The following AFF3 variants were observed in gnomAD, a reference collection of about 807,000 sequenced individuals.
AFF3 encodes ALF transcription elongation factor 3.
In AFF3, 32 loss-of-function variants were observed where a neutral mutation model predicts 129.7. The ratio of observed to expected loss-of-function variants is 0.25; its 90% CI spans 0.19 to 0.33. AFF3 has a LOEUF of 0.33. AFF3 is among the 10% of genes least tolerant of loss of function. The probability of loss-of-function intolerance (pLI) is 1.00; values close to 1 mark genes in which losing one functional copy is unlikely to be tolerated. For missense variants in AFF3, 1,373 were observed against 1,592.0 expected, an observed-to-expected ratio of 0.86 and a Z score of 2.34; for synonymous variants, 644 against 635.4, an observed-to-expected ratio of 1.01 and a Z score of -0.20.
At chr2:100,064,808 T>C (rs1361140451) in intron 4 of AFF3, among the ~76,000 whole-genome samples, 2 of 152,230 alleles carry the variant, frequency 1.3e-5, no homozygotes, top group Admixed American at 6.5e-5. Flanking sequence ...TGCCAACTCA[T>C]TGTGAAAAGC....
intron 7 of AFF3, among the ~76,000 whole-genome samples, chr2:99,852,338 G>A (rs1037951689): frequency 6.6e-6 from 1 of 151,830 alleles, no homozygotes; most frequent in Non-Finnish European, 1.5e-5. Context: ...CCACACAGTC[G>A]GTTTTTAGAA....
At chr2:99,947,151 G>C (rs1434356423) in intron 7 of AFF3, among the ~76,000 whole-genome samples, 1 of 152,114 alleles carries the variant, frequency 6.6e-6, no homozygotes, top group African/African-American at 2.4e-5. Context: ...GTCAGAAAGT[G>C]AACATCCAGC....
chr2:99,592,943 C>CCCCCA (rs766393879), intron 15 of AFF3, among the ~76,000 whole-genome samples: 3 of 123,012 alleles, frequency 2.4e-5, no homozygotes, highest in African/African-American at 6.3e-5. Flanking sequence ...CCCCCCCCCC[C>CCCCCA]AAAAAAAGGG....
At chr2:99,579,667 C>A (rs1257675418) in intron 17 of AFF3, among the ~76,000 whole-genome samples, 1 of 152,118 alleles carries the variant, frequency 6.6e-6, no homozygotes, top group Non-Finnish European at 1.5e-5. Context: ...TTGCAGTGAG[C>A]CAAGACTGCA....
chr2:99,959,616 T>C (rs932253090), intron 7 of AFF3, among the ~76,000 whole-genome samples: 5 of 151,050 alleles, frequency 3.3e-5, no homozygotes, highest in East Asian at 3.9e-4. Context: ...GTAATCCTTT[T>C]AGTCCAGCAC....
chr2:99,738,482 C>A (rs1680440389), intron 10 of AFF3, among the ~76,000 whole-genome samples: 4 of 152,014 alleles, frequency 2.6e-5, no homozygotes, highest in Admixed American at 2.6e-4. Flanking sequence ...TTATTTAACA[C>A]AAATAATTTC....
intron 7 of AFF3, among the ~76,000 whole-genome samples, chr2:99,917,137 T>C (rs1431226096): frequency 1.3e-5 from 2 of 152,176 alleles, no homozygotes; most frequent in Non-Finnish European, 2.9e-5. Flanking sequence ...AAGGGACTAT[T>C]TGCCTACCCC....
At chr2:99,643,384 T>C (rs1024990422) in intron 13 of AFF3, among the ~76,000 whole-genome samples, 1 of 152,114 alleles carries the variant, frequency 6.6e-6, no homozygotes, top group African/African-American at 2.4e-5. Context: ...TAAGGAGCCA[T>C]ATTGCTTTGG....
chr2:99,800,102 AC>A (rs939453186), intron 8 of AFF3, among the ~76,000 whole-genome samples: 5 of 152,206 alleles, frequency 3.3e-5, no homozygotes, highest in African/African-American at 9.6e-5. Flanking sequence ...TAATTTTTTA[AC>A]AAAGTTTGAA....
intron 7 of AFF3, among the ~76,000 whole-genome samples, chr2:99,976,098 T>G (rs1678864531): frequency 6.6e-6 from 1 of 151,978 alleles, no homozygotes; most frequent in Non-Finnish European, 1.5e-5. Flanking sequence ...TAACGCCAAT[T>G]CTTATTCAAA....
At chr2:99,705,074 T>C (rs528216680) in intron 11 of AFF3, among the ~76,000 whole-genome samples, 49 of 152,274 alleles carry the variant, frequency 3.2e-4, no homozygotes, top group Non-Finnish European at 6.8e-4. Flanking sequence ...CAGCAAAGAA[T>C]AGACGGTTCG....
At chr2:100,041,400 TA>T (rs1685419182) in intron 4 of AFF3, among the ~76,000 whole-genome samples, 2 of 152,220 alleles carry the variant, frequency 1.3e-5, no homozygotes, top group African/African-American at 4.8e-5. Flanking sequence ...CTAAGTCGCC[TA>T]ATCTTCAATG....
intron 18 of AFF3, among the ~76,000 whole-genome samples, chr2:99,570,803 G>A (rs903969744): frequency 6.6e-6 from 1 of 152,150 alleles, no homozygotes; most frequent in Non-Finnish European, 1.5e-5. Flanking sequence ...ATCCTGGTCC[G>A]AGGAGCTCTG....
intron 8 of AFF3, among the ~76,000 whole-genome samples, chr2:99,834,469 G>A (rs141659938): frequency 3.9e-5 from 6 of 152,282 alleles, no homozygotes; most frequent in East Asian, 3.9e-4. Context: ...TATGAGGGAC[G>A]TATTGCAATT....
chr2:99,932,157 G>A (rs745733676), intron 7 of AFF3, among the ~76,000 whole-genome samples: 6 of 152,058 alleles, frequency 3.9e-5, no homozygotes, highest in Admixed American at 6.6e-5. Context: ...CTTTGAATAC[G>A]GCCCAATACA....
chr2:100,079,232 C>T (rs1476400948), intron 4 of AFF3, among the ~76,000 whole-genome samples: 2 of 152,184 alleles, frequency 1.3e-5, no homozygotes, highest in Non-Finnish European at 2.9e-5. Flanking sequence ...AGGCATGAGC[C>T]ACAGTGCCTG....
At chr2:99,807,608 C>T (rs1686452472) in intron 8 of AFF3, among the ~76,000 whole-genome samples, 1 of 152,180 alleles carries the variant, frequency 6.6e-6, no homozygotes, top group South Asian at 2.1e-4. Flanking sequence ...GTCAATATTA[C>T]TTGCTGCCTT....
chr2:99,791,998 G>A (rs1339647828), intron 8 of AFF3, among the ~76,000 whole-genome samples: 6 of 152,024 alleles, frequency 3.9e-5, no homozygotes, highest in African/African-American at 1.5e-4. Flanking sequence ...TGAGTTCAGT[G>A]TTAGTGAATC....
intron 7 of AFF3, among the ~76,000 whole-genome samples, chr2:99,997,346 A>G (rs2104644747): frequency 6.6e-6 from 1 of 152,214 alleles, no homozygotes; most frequent in East Asian, 1.9e-4. Context: ...ATTTGCTCAG[A>G]ACAAATATCT....
Sources: allele counts gnomAD v4.1 joint callset (sites outside exome capture counted in the v4.1 genomes callset), GRCh38; gene constraint gnomAD v4.1.1; transcripts MANE v1.5; gene names NCBI Gene and HGNC (gene_info 2026-07-23, HGNC 2026-07-21).